The following PTPRT variants were observed in gnomAD, a reference collection of about 807,000 sequenced individuals.
PTPRT encodes receptor-type tyrosine-protein phosphatase T.
Under a neutral mutation model 176.8 loss-of-function variants are expected in PTPRT, and 56 were observed. The ratio of observed to expected loss-of-function variants is 0.32; its 90% CI spans 0.26 to 0.40. The LOEUF (loss-of-function observed/expected upper bound fraction) is 0.40. Among genes scored for constraint, PTPRT ranks in the 10% least tolerant of loss-of-function variants. The pLI, the probability that PTPRT is intolerant of heterozygous loss-of-function variation, is 1.00. For missense variants in PTPRT, 1,540 were observed against 1,908.2 expected, an observed-to-expected ratio of 0.81 and a Z score of 3.60; for synonymous variants, 783 against 739.0, an observed-to-expected ratio of 1.06 and a Z score of -0.96.
chr20:42,095,400 C>A (rs896435696), intron 27 of PTPRT, among the ~76,000 whole-genome samples: 2 of 152,194 alleles, frequency 1.3e-5, no homozygotes, highest in African/African-American at 2.4e-5. Flanking sequence ...CTGCCCATGG[C>A]CTCTGTGCTG....
At chr20:42,199,729 G>C (rs1416409827) in intron 15 of PTPRT, among the ~76,000 whole-genome samples, 1 of 152,072 alleles carries the variant, frequency 6.6e-6, no homozygotes, top group Admixed American at 6.6e-5. Context: ...GGAGGAAGTG[G>C]CTAGACTGGC....
At chr20:43,111,546 G>GAAAAAAAAAAAAAAAAAA (rs11424029) in intron 1 of PTPRT, among the ~76,000 whole-genome samples, 1 of 83,448 alleles carries the variant, frequency 1.2e-5, no homozygotes, top group African/African-American at 4.4e-5. Flanking sequence ...TCCGTCTCAG[G>GAAAAAAAAAAAAAAAAAA]AAAAAAAAAA....
the PTPRT span, among the ~76,000 whole-genome samples, chr20:42,050,995 G>A: frequency 3.3e-5 from 5 of 152,254 alleles, no homozygotes; most frequent in Non-Finnish European, 5.9e-5. Context: ...CACCTGGTGA[G>A]AACTAAATGG....
intron 7 of PTPRT, among the ~76,000 whole-genome samples, chr20:42,551,321 T>C (rs1207823088): frequency 2.0e-5 from 3 of 152,132 alleles, no homozygotes. Context: ...CTCATTCTTT[T>C]AGAAATAGTC....
chr20:42,195,402 A>G (rs1006102840), intron 16 of PTPRT, among the ~76,000 whole-genome samples: 1 of 152,206 alleles, frequency 6.6e-6, no homozygotes, highest in African/African-American at 2.4e-5. Flanking sequence ...TAATGCCACA[A>G]AAATAGATTC....
intron 7 of PTPRT, among the ~76,000 whole-genome samples, chr20:42,666,200 C>G (rs1212091922): frequency 6.6e-6 from 1 of 152,090 alleles, no homozygotes; most frequent in Non-Finnish European, 1.5e-5. Flanking sequence ...CACACAGGAC[C>G]TGTTATGAAA....
At chr20:42,173,233 G>C (rs1256737601) in intron 16 of PTPRT, among the ~76,000 whole-genome samples, 1 of 152,156 alleles carries the variant, frequency 6.6e-6, no homozygotes, top group African/African-American at 2.4e-5. Context: ...TTCCCTAAGA[G>C]CTGAGGCAGA....
At chr20:43,169,694 C>T (rs546248957) in intron 1 of PTPRT, among the ~76,000 whole-genome samples, 10 of 152,160 alleles carry the variant, frequency 6.6e-5, no homozygotes, top group South Asian at 4.1e-4. Context: ...GAACCACTAC[C>T]GTAAACCAAT....
chr20:42,340,986 G>C lies in PTPRT; in HGVS notation c.1865+9642C>G, dbSNP rs371474592. Among the ~76,000 whole-genome samples, 6 of 152,118 alleles carry C rather than the reference G, an allele frequency of 3.9e-5. No homozygotes were observed. The East Asian group carries it at 1.2e-3, about 29-fold the overall frequency. Reference sequence around the variant, plus strand: ...TACTTGGACTGCCCCTCCATCCTTAGTCTGGCCTCGTGTTCCTTGCAACAT... The same window carrying C: ...TACTTGGACTGCCCCTCCATCCTTACTCTGGCCTCGTGTTCCTTGCAACAT... On this transcript the variant is annotated intron_variant, in intron 11 of 30. Coordinates refer to ENST00000373187, the MANE Select transcript of PTPRT (RefSeq NM_007050.6).
In PTPRT at chr20:42,602,231, A is replaced by C. The variant is rs185034743; in HGVS notation, c.1153+75635T>G. ...TAAAGTTTATGTTCCTTTGTGCACA[A>C]CAGGCAGCACATCACCACTTTCCTG... On this transcript the variant is annotated intron_variant, in intron 7 of 30. Coordinates refer to ENST00000373187, the MANE Select transcript of PTPRT (RefSeq NM_007050.6). 6.4e-4 allele frequency among the ~76,000 whole-genome samples: 97 copies of C among 152,282 alleles called. 2 individuals carry two copies. The highest frequency in any genetic ancestry group is 1.1e-3 in the Non-Finnish European group (76 of 68,024).
chr20:43,005,245 C>T (rs934084616), intron 1 of PTPRT, among the ~76,000 whole-genome samples: 13 of 152,294 alleles, frequency 8.5e-5, no homozygotes, highest in African/African-American at 2.4e-4. Flanking sequence ...TAATGGCCCA[C>T]GAAGTCCTGA....
chr20:42,515,281 G>C (rs1448893062), intron 7 of PTPRT, among the ~76,000 whole-genome samples: 1 of 152,180 alleles, frequency 6.6e-6, no homozygotes, highest in Non-Finnish European at 1.5e-5. Context: ...TCAGGAGTTT[G>C]AGACCAGCCT....
intron 12 of PTPRT, among the ~76,000 whole-genome samples, chr20:42,294,147 C>T (rs1225008039): frequency 2.6e-5 from 4 of 152,038 alleles, no homozygotes; most frequent in African/African-American, 9.7e-5. Context: ...TATGTAAAAA[C>T]AATTTGGAAG....
chr20:42,612,584 G>C (rs1337450738), intron 7 of PTPRT, among the ~76,000 whole-genome samples: 1 of 152,058 alleles, frequency 6.6e-6, no homozygotes, highest in Non-Finnish European at 1.5e-5. Flanking sequence ...CCTCCTAAAA[G>C]ACCTTGTATT....
At chr20:42,153,177 C>T (rs940402060) in intron 17 of PTPRT, among the ~76,000 whole-genome samples, 6 of 152,206 alleles carry the variant, frequency 3.9e-5, no homozygotes, top group Non-Finnish European at 7.3e-5. Context: ...GGCAAGACCA[C>T]GAGCTTTCTT....
intron 9 of PTPRT, among the ~76,000 whole-genome samples, chr20:42,384,523 G>T (rs1192508920): frequency 6.6e-6 from 1 of 152,144 alleles, no homozygotes; most frequent in African/African-American, 2.4e-5. Context: ...GGGCATTTAG[G>T]TGGCTTCGAT....
chr20:42,548,145 A>T (rs1464878542), intron 7 of PTPRT, among the ~76,000 whole-genome samples: 1 of 152,102 alleles, frequency 6.6e-6, no homozygotes, highest in African/African-American at 2.4e-5. Flanking sequence ...GTGCTATATT[A>T]TTATTAAATT....
At chr20:43,062,403 C>T (rs1425931279) in intron 1 of PTPRT, among the ~76,000 whole-genome samples, 1 of 152,146 alleles carries the variant, frequency 6.6e-6, no homozygotes, top group South Asian at 2.1e-4. Context: ...ATAATACATG[C>T]CAAACACCTG....
intron 16 of PTPRT, among the ~76,000 whole-genome samples, chr20:42,193,717 T>C (rs1024957519): frequency 6.6e-6 from 1 of 152,214 alleles, no homozygotes; most frequent in African/African-American, 2.4e-5. Flanking sequence ...ATCTTCTTCT[T>C]TGGGCATTTT....
Sources: gnomAD v4.1 joint callset for allele counts (sites outside exome capture counted in the v4.1 genomes callset) on GRCh38, gnomAD v4.1.1 for gene constraint, MANE v1.5 for transcripts, NCBI Gene and HGNC (gene_info 2026-07-23, HGNC 2026-07-21) for gene names.